RABGAP1L: variants seen among roughly 807,000 people sequenced by gnomAD.
RABGAP1L encodes the protein rab GTPase-activating protein 1-like.
Under a neutral mutation model 137.7 loss-of-function variants are expected in RABGAP1L, and 63 were observed. The ratio of observed to expected loss-of-function variants is 0.46; its 90% confidence interval spans 0.37 to 0.56. RABGAP1L has a LOEUF of 0.56. Ranked by LOEUF, RABGAP1L falls within the 20% of genes least tolerant of loss-of-function variation. The pLI, the probability that RABGAP1L is intolerant of heterozygous loss-of-function variation, is 0.00. For missense variants in RABGAP1L, 1,095 were observed against 1,244.0 expected, an observed-to-expected ratio of 0.88 and a Z score of 1.80; for synonymous variants, 431 against 433.7, an observed-to-expected ratio of 0.99 and a Z score of 0.08.
chr1:174,307,454 C>G (rs1253911256), intron 11 of RABGAP1L, among the ~76,000 whole-genome samples: 3 of 152,158 alleles, frequency 2.0e-5, no homozygotes, highest in African/African-American at 7.2e-5. Flanking sequence ...AGCAGTCACT[C>G]TCTGTTCTCC....
At chr1:174,159,787 C>G (rs1302687672) in intron 1 of RABGAP1L, 130 bp downstream of exon 1, 1 of 152,436 alleles carries the variant, frequency 6.6e-6, no homozygotes, top group East Asian at 1.9e-4. Context: ...CAGCCGAGGA[C>G]TGGGATGCGG....
intron 20 of RABGAP1L, among the ~76,000 whole-genome samples, chr1:174,967,144 CTGTTATTA>C (rs1669702923): frequency 6.6e-6 from 1 of 150,714 alleles, no homozygotes; most frequent in Non-Finnish European, 1.5e-5. Context: ...TAAGCATTTC[CTGTTATTA>C]TATTTTCTTT....
chr1:174,484,143 C>G (rs1284430689), intron 13 of RABGAP1L, among the ~76,000 whole-genome samples: 1 of 152,166 alleles, frequency 6.6e-6, no homozygotes, highest in Non-Finnish European at 1.5e-5. Flanking sequence ...TTGCATTTCT[C>G]TGATGATCAG....
chr1:174,783,064 C>T (rs1687142587), intron 18 of RABGAP1L, among the ~76,000 whole-genome samples: 1 of 152,142 alleles, frequency 6.6e-6, no homozygotes, highest in Admixed American at 6.5e-5. Flanking sequence ...TGAGCTTTTG[C>T]TCACCGTTCA....
At chr1:174,383,027 AG>A (rs1214835971) in intron 12 of RABGAP1L, among the ~76,000 whole-genome samples, 2 of 151,094 alleles carry the variant, frequency 1.3e-5, no homozygotes, top group Non-Finnish European at 2.9e-5. Context: ...CCTCAGCTGC[AG>A]GTCTGTTGGA....
At chr1:174,204,076 G>A (rs537922791) in intron 1 of RABGAP1L, among the ~76,000 whole-genome samples, 50 of 151,980 alleles carry the variant, frequency 3.3e-4, no homozygotes, top group Middle Eastern at 3.4e-3. Context: ...TCAACCTCCT[G>A]AATAGCTGGG....
At chr1:174,348,312 T>C (rs939015425) in intron 11 of RABGAP1L, among the ~76,000 whole-genome samples, 18 of 127,632 alleles carry the variant, frequency 1.4e-4, no homozygotes, top group Admixed American at 1.3e-3. Flanking sequence ...GCCATTACTT[T>C]CAATAGCAAA....
At chr1:174,643,168 C>T (rs1041477315) in intron 14 of RABGAP1L, among the ~76,000 whole-genome samples, 18 of 152,064 alleles carry the variant, frequency 1.2e-4, no homozygotes, top group Non-Finnish European at 2.4e-4. Context: ...TCTTTGGAAT[C>T]GGATGGATTC....
intron 12 of RABGAP1L, among the ~76,000 whole-genome samples, chr1:174,374,559 T>C (rs956022767): frequency 1.3e-5 from 2 of 152,210 alleles, no homozygotes; most frequent in African/African-American, 4.8e-5. Context: ...TAATTTTCTT[T>C]GGATAAGGTG....
chr1:174,672,101 A>C (rs2148448930), intron 14 of RABGAP1L, among the ~76,000 whole-genome samples: 1 of 152,144 alleles, frequency 6.6e-6, no homozygotes, highest in Non-Finnish European at 1.5e-5. Context: ...TAAGTTATCT[A>C]ATTCGTTGGC....
chr1:174,202,884 C>G (rs564323288), intron 1 of RABGAP1L, among the ~76,000 whole-genome samples: 2 of 152,106 alleles, frequency 1.3e-5, no homozygotes, highest in Admixed American at 6.5e-5. Flanking sequence ...AGCCAGTTTT[C>G]CCAGCACCAT....
At chr1:174,747,403 A>T (rs1422605737) in intron 17 of RABGAP1L, among the ~76,000 whole-genome samples, 1 of 64,244 alleles carries the variant, frequency 1.6e-5, no homozygotes, top group Non-Finnish European at 2.5e-5. Flanking sequence ...TTCTATCTCT[A>T]AAAAAAAAAA....
intron 14 of RABGAP1L, among the ~76,000 whole-genome samples, chr1:174,637,695 C>T (rs993593627): frequency 6.6e-6 from 1 of 152,078 alleles, no homozygotes; most frequent in African/African-American, 2.4e-5. Context: ...AGGGAGGAGG[C>T]GCAGCATAGC....
chr1:174,640,355 C>T (rs185474297), intron 14 of RABGAP1L, among the ~76,000 whole-genome samples: 141 of 152,164 alleles, frequency 9.3e-4, no homozygotes, highest in African/African-American at 3.1e-3. Flanking sequence ...GAATATTATT[C>T]TCAAGCTTCC....
At chr1:174,215,438 CAA>C (rs1015308723) in intron 1 of RABGAP1L, among the ~76,000 whole-genome samples, 9 of 140,102 alleles carry the variant, frequency 6.4e-5, no homozygotes, top group Non-Finnish European at 1.1e-4. Context: ...GCCTGGGCGA[CAA>C]GAGCGAAACT....
intron 13 of RABGAP1L, among the ~76,000 whole-genome samples, chr1:174,427,464 G>A (rs1290643321): frequency 1.3e-5 from 2 of 151,948 alleles, no homozygotes; most frequent in Non-Finnish European, 2.9e-5. Flanking sequence ...CTTAAAAAGG[G>A]ATTTCTGTCA....
At chr1:174,635,707 T>A (rs780014512) in intron 13 of RABGAP1L, among the ~76,000 whole-genome samples, 2 of 152,182 alleles carry the variant, frequency 1.3e-5, no homozygotes, top group African/African-American at 2.4e-5. Flanking sequence ...CTGGATCGAT[T>A]TGTAATATGT....
At chr1:174,449,145 A>G in intron 13 of RABGAP1L, 2 of 1,611,512 alleles carry the variant, frequency 1.2e-6, no homozygotes, top group East Asian at 2.2e-5. Context: ...GTGAAGGATC[A>G]GGAAGCACAA....
intron 13 of RABGAP1L, among the ~76,000 whole-genome samples, chr1:174,550,862 AT>A (rs1666384317): frequency 1.7e-4 from 8 of 48,444 alleles, no homozygotes; most frequent in South Asian, 6.4e-4. Context: ...TGCTAAATAT[AT>A]ATATATATAT....
Sources: allele counts gnomAD v4.1 joint callset (sites outside exome capture counted in the v4.1 genomes callset), GRCh38; gene constraint gnomAD v4.1.1; transcripts MANE v1.5; gene names NCBI Gene and HGNC (gene_info 2026-07-23, HGNC 2026-07-21).